Variants in KATNAL1 observed in about 807,000 individuals in gnomAD.
The protein encoded by KATNAL1 is katanin p60 ATPase-containing subunit A-like 1.
KATNAL1 carries 32 observed loss-of-function variants against 55.2 expected under a neutral mutation model. That is an observed-to-expected ratio of 0.58 (90% CI 0.44 to 0.78). KATNAL1 has a LOEUF of 0.78. KATNAL1 is among the 30% of genes least tolerant of loss of function. KATNAL1 has a pLI of 0.00. For synonymous variants in KATNAL1, 193 were observed against 193.6 expected (o/e 1.00, Z 0.02); for missense variants, 466 against 600.9 (o/e 0.78, Z 2.35).
At position 30,280,243 on chromosome 13, in the gene KATNAL1, C is replaced by T; in HGVS notation, c.163-20G>A. On this transcript the variant is annotated intron_variant, in intron 2 of 10. Coordinates refer to ENST00000380615, the MANE Select transcript of KATNAL1 (RefSeq NM_032116.5). The stretch of plus-strand genomic sequence containing the variant: ...CCGAACCTTAAAAAAAAAAAATAGG[C>T]TTTATGCTAGAAGCTGTTTAAATAC... The T allele has an allele frequency of 1.3e-6, 2 of 1,539,704 alleles. No individual in the cohort carries two copies. Among genetic ancestry groups the T allele is most frequent in the Non-Finnish European group, 8.8e-7 (1 of 1,140,644 alleles).
At chr13:30,269,872 G>A (rs1880124671) in intron 3 of KATNAL1, among the ~76,000 whole-genome samples, 1 of 150,910 alleles carries the variant, frequency 6.6e-6, no homozygotes, top group Non-Finnish European at 1.5e-5. Flanking sequence ...GAGCGTCTCC[G>A]CCCGGCAGCC....
At chr13:30,282,589 G>A (rs1881442558) in intron 2 of KATNAL1, among the ~76,000 whole-genome samples, 2 of 151,490 alleles carry the variant, frequency 1.3e-5, no homozygotes, top group African/African-American at 2.4e-5. Flanking sequence ...AGTGAGCTGT[G>A]ATGGCACCAC....
At chr13:30,298,495 T>A (rs1287627428) in intron 1 of KATNAL1, among the ~76,000 whole-genome samples, 6 of 152,186 alleles carry the variant, frequency 3.9e-5, no homozygotes, top group Non-Finnish European at 8.8e-5. Flanking sequence ...CCACTGAGTT[T>A]ACATCTAAAA....
chr13:30,280,992 T>C (rs1028727205), intron 2 of KATNAL1, among the ~76,000 whole-genome samples: 6 of 151,938 alleles, frequency 3.9e-5, no homozygotes, highest in Admixed American at 6.6e-5. Context: ...CATGAGTCTG[T>C]AGTCCTAGTG....
intron 4 of KATNAL1, among the ~76,000 whole-genome samples, chr13:30,254,765 C>T (rs1878638732): frequency 6.6e-6 from 1 of 152,128 alleles, no homozygotes; most frequent in Non-Finnish European, 1.5e-5. Context: ...ACAGGAAATA[C>T]TATCACTTAA....
chr13:30,284,014 C>T (rs1881606675), intron 1 of KATNAL1, among the ~76,000 whole-genome samples: 1 of 151,886 alleles, frequency 6.6e-6, no homozygotes. Context: ...GGGTGCACCA[C>T]CATGCCCGGC....
chr13:30,262,774 G>A (rs1477204698), intron 3 of KATNAL1, among the ~76,000 whole-genome samples: 10 of 151,504 alleles, frequency 6.6e-5, no homozygotes, highest in South Asian at 2.1e-4. Context: ...ATTCACAGCC[G>A]AATTCTACCA....
At chr13:30,252,531 G>A (rs1275575102) in intron 4 of KATNAL1, among the ~76,000 whole-genome samples, 1 of 152,136 alleles carries the variant, frequency 6.6e-6, no homozygotes, top group Non-Finnish European at 1.5e-5. Context: ...TCTGGATCAT[G>A]AGCTGGTGTA....
chr13:30,280,024 A>G, intron 3 of KATNAL1, 39 bp downstream of exon 3: 1 of 1,552,042 alleles, frequency 6.4e-7, no homozygotes, highest in Non-Finnish European at 8.7e-7. Flanking sequence ...AACATCAATT[A>G]ACTAGAAGCA....
At position 30,231,457 on chromosome 13, in the gene KATNAL1, C is replaced by A; in HGVS notation, c.742G>T (p.Gly248Ter). 6.4e-7 allele frequency: 1 copy of A among 1,569,152 alleles called. No homozygotes were observed. Among genetic ancestry groups the A allele is most frequent in the Non-Finnish European group, 8.6e-7 (1 of 1,157,466 alleles). ...RRPWKGVLMV[G>*]PPGTGKTMLA... ...ATAGTTTTACCAGTGCCTGGGGGTCCAACCATCAGTACACCCTGAAATTTC... is the reference window on the plus strand; with the variant it reads ...ATAGTTTTACCAGTGCCTGGGGGTCAAACCATCAGTACACCCTGAAATTTC... The change falls in exon 7 of 11, where the codon GGA becomes TGA. Residue 248 changes from glycine to a stop codon, truncating the protein, a stop_gained. Coordinates refer to ENST00000380615, the MANE Select transcript of KATNAL1 (RefSeq NM_032116.5). LOFTEE classifies it high-confidence loss of function.
At chr13:30,275,559 A>C (rs1880779596) in intron 3 of KATNAL1, among the ~76,000 whole-genome samples, 1 of 152,156 alleles carries the variant, frequency 6.6e-6, no homozygotes, top group Admixed American at 6.5e-5. Flanking sequence ...ACCAGGGGCT[A>C]GGGGAGAAGA....
At chr13:30,300,805 C>T (rs1329926146) in intron 1 of KATNAL1, among the ~76,000 whole-genome samples, 1 of 152,116 alleles carries the variant, frequency 6.6e-6, no homozygotes, top group Admixed American at 6.5e-5. Flanking sequence ...CCAGACATTA[C>T]AGAAGAATGT....
intron 4 of KATNAL1, among the ~76,000 whole-genome samples, chr13:30,254,312 T>C (rs534618155): frequency 8.0e-4 from 122 of 152,334 alleles, no homozygotes; most frequent in Admixed American, 2.0e-3. Flanking sequence ...ATGTATTTAT[T>C]ACTACCCTTC....
chr13:30,305,187 A>T (rs1883104114), intron 1 of KATNAL1, among the ~76,000 whole-genome samples: 1 of 152,190 alleles, frequency 6.6e-6, no homozygotes, highest in Non-Finnish European at 1.5e-5. Context: ...GCCCTATATC[A>T]AGAAAAATTC....
intron 1 of KATNAL1, among the ~76,000 whole-genome samples, chr13:30,289,385 T>C (rs189509534): frequency 2.0e-5 from 3 of 152,364 alleles, no homozygotes; most frequent in Admixed American, 2.0e-4. Context: ...CACAATTTAG[T>C]TACTTCACTA....
intron 9 of KATNAL1, among the ~76,000 whole-genome samples, chr13:30,213,463 A>G (rs1020156785): frequency 5.3e-5 from 8 of 151,036 alleles, no homozygotes; most frequent in Non-Finnish European, 4.4e-5. Context: ...GGGCAGAGAC[A>G]CACCCAAAAA....
rs369511464 is a variant in KATNAL1 at position 30,280,132 on chromosome 13, G to A, written c.254C>T (p.Pro85Leu). ...AAATGGTTCATCTTGACAGGACACA[G>A]GGAAATCTGGAGGCTTGTCAATTTT... ...SFKIDKPPDF[P>L]VSCQDEPFRD... is the part of the protein sequence containing the mutation. The change falls in exon 3 of 11, where the codon CCT becomes CTT. Residue 85 changes from proline (P) to leucine (L), a missense_variant. Coordinates refer to ENST00000380615, the MANE Select transcript of KATNAL1 (RefSeq NM_032116.5). The A allele has an allele frequency of 6.2e-7, 1 of 1,613,360 alleles. No individual in the cohort carries two copies. The highest frequency in any genetic ancestry group is 8.5e-7 in the Non-Finnish European group (1 of 1,179,724).
At chr13:30,259,711 C>T (rs878906947) in intron 3 of KATNAL1, among the ~76,000 whole-genome samples, 3 of 152,214 alleles carry the variant, frequency 2.0e-5, no homozygotes, top group South Asian at 2.1e-4. Context: ...GCACCTGGCT[C>T]GGAGGGTCCT....
rs962548762 is a variant in KATNAL1 at position 30,203,785 on chromosome 13, T to C, written c.*4755A>G. ...ACCTAATAAAAATTCAAAGATCTATTTGTTAATGAGGTGAATGTTTAAAAA... is the reference window on the plus strand; with the variant it reads ...ACCTAATAAAAATTCAAAGATCTATCTGTTAATGAGGTGAATGTTTAAAAA... On this transcript the variant is annotated 3_prime_UTR_variant, in exon 11 of 11. Coordinates refer to ENST00000380615, the MANE Select transcript of KATNAL1 (RefSeq NM_032116.5). The C allele has an allele frequency of 6.6e-6, 1 of 152,166 alleles. No homozygotes were observed. The highest frequency in any genetic ancestry group is 1.5e-5 in the Non-Finnish European group (1 of 68,016). 9.4% of individuals were successfully genotyped at this position (152,166 alleles called of 1,614,324 possible).
Sources: gnomAD v4.1 joint callset for allele counts (sites outside exome capture counted in the v4.1 genomes callset) on GRCh38, gnomAD v4.1.1 for gene constraint, MANE v1.5 for transcripts, NCBI Gene and HGNC (gene_info 2026-07-23, HGNC 2026-07-21) for gene names.